The following PIGN variants were observed in gnomAD, a reference collection of about 807,000 sequenced individuals.
PIGN encodes phosphatidylinositol glycan anchor biosynthesis class N.
In PIGN, 117 loss-of-function variants were observed where a neutral mutation model predicts 125.4. The observed-to-expected ratio is 0.93, with a 90% CI of 0.80 to 1.09. PIGN has a LOEUF of 1.09. Ranked by LOEUF, PIGN falls within the 50% of genes least tolerant of loss-of-function variation. PIGN has a pLI of 0.00. For synonymous variants in PIGN, 392 were observed against 377.8 expected (o/e 1.04, Z -0.44); for missense variants, 1,075 against 1,094.9 (o/e 0.98, Z 0.26).
intron 23 of PIGN, among the ~76,000 whole-genome samples, chr18:62,027,113 G>A (rs543056417): frequency 2.3e-4 from 35 of 152,300 alleles, no homozygotes; most frequent in African/African-American, 7.9e-4. Flanking sequence ...AGAGGCAGGA[G>A]AATCACTTGA....
At chr18:62,172,226 CCTAA>C (rs1317645145) in intron 1 of PIGN, among the ~76,000 whole-genome samples, 2 of 152,096 alleles carry the variant, frequency 1.3e-5, no homozygotes, top group Non-Finnish European at 2.9e-5. Flanking sequence ...TCCATTTCAT[CCTAA>C]CTGTCAAATT....
intron 27 of PIGN, among the ~76,000 whole-genome samples, chr18:62,083,263 G>T (rs1281160349): frequency 6.6e-6 from 1 of 151,934 alleles, no homozygotes; most frequent in African/African-American, 2.4e-5. Flanking sequence ...TAACAAATAT[G>T]AAAAAATTTA....
intron 10 of PIGN, among the ~76,000 whole-genome samples, chr18:62,143,787 T>C (rs1240662835): frequency 6.6e-6 from 1 of 152,200 alleles, no homozygotes; most frequent in African/African-American, 2.4e-5. Flanking sequence ...CACCTAAAAC[T>C]GTAGTTGTGA....
intron 30 of PIGN, among the ~76,000 whole-genome samples, chr18:62,059,677 A>C (rs12605762): frequency 0.34 from 52,400 of 152,100 alleles, 10,065 homozygotes; most frequent in East Asian, 0.7. Flanking sequence ...GAACAGGTAG[A>C]GGGTATTTTC....
At chr18:62,116,177 C>A (rs1197296533) in intron 14 of PIGN, among the ~76,000 whole-genome samples, 1 of 152,184 alleles carries the variant, frequency 6.6e-6, no homozygotes, top group Non-Finnish European at 1.5e-5. Flanking sequence ...TCAGATACCA[C>A]ACATTTTGAA....
chr18:62,060,443 C>G (rs1453553751), intron 30 of PIGN, among the ~76,000 whole-genome samples: 5 of 152,176 alleles, frequency 3.3e-5, no homozygotes, highest in Non-Finnish European at 7.3e-5. Context: ...CAGGTCATAC[C>G]TGTTCAATGT....
rs186846363 is a variant in PIGN at position 62,109,806 on chromosome 18, A to G, written c.1574+28T>C. 282 of 1,581,932 alleles carry G rather than the reference A, an allele frequency of 1.8e-4. 1 individual carries two copies. In the African/African-American group the frequency reaches 3.4e-3, roughly 19 times the overall value. ...AGATTTAACTGTCAATGAAGTGAAA[A>G]AACAAGGCAGCAAGATGCATTACTT... On this transcript the variant is annotated intron_variant, in intron 17 of 30. Coordinates refer to ENST00000640252, the MANE Select transcript of PIGN (RefSeq NM_176787.5).
intron 14 of PIGN, among the ~76,000 whole-genome samples, chr18:62,128,649 G>T (rs530917890): frequency 5.7e-5 from 8 of 140,644 alleles, no homozygotes; most frequent in Non-Finnish European, 1.1e-4. Context: ...AGGTTGATAT[G>T]AGGAAAAAAT....
At chr18:62,080,416 GT>G (rs1255457745) in intron 28 of PIGN, among the ~76,000 whole-genome samples, 1 of 152,186 alleles carries the variant, frequency 6.6e-6, no homozygotes, top group Non-Finnish European at 1.5e-5. Context: ...TTGGCAGGTT[GT>G]TTCACACCCC....
At chr18:62,157,846 T>C (rs781317763) in intron 4 of PIGN, 38 bp from the exon 5 acceptor site, 29 of 1,553,162 alleles carry the variant, frequency 1.9e-5, no homozygotes, top group Non-Finnish European at 2.5e-5. Flanking sequence ...ACACAGACTA[T>C]GATTAGATAC....
rs185054286 is a variant in PIGN at position 62,076,988 on chromosome 18, T to C, written c.2577-2167A>G. Among the ~76,000 whole-genome samples, 272 of 152,326 alleles carry C rather than the reference T, an allele frequency of 1.8e-3. 2 individuals are homozygous for C. Among genetic ancestry groups the C allele is most frequent in the African/African-American group, 6.0e-3 (250 of 41,564 alleles). ...CCACTCCATTTTCAGCAGCTCCAAT[T>C]ACTGCAGAGTTCTTTCTTCTGTGAA... On this transcript the variant is annotated intron_variant, in intron 28 of 30. Transcript: ENST00000640252.
chr18:62,085,927 C>A (rs1378571016), intron 25 of PIGN, among the ~76,000 whole-genome samples: 1 of 152,140 alleles, frequency 6.6e-6, no homozygotes, highest in African/African-American at 2.4e-5. Flanking sequence ...ACCATAGACA[C>A]CCACAGAAAT....
rs1189270846 is a variant in PIGN at position 62,106,771 on chromosome 18, C to G, written c.1767+18G>C. ...AAGTAGTTACTAATCTGTCCTATGT[C>G]AAAATGAGTACTCATACCTTTGCTC... is the stretch of plus-strand genomic sequence containing the variant. On this transcript the variant is annotated intron_variant, in intron 19 of 30. Transcript: ENST00000640252. 6.5e-7 allele frequency: 1 copy of G among 1,549,018 alleles called. No homozygotes were observed. The highest frequency in any genetic ancestry group is 2.3e-5 in the East Asian group (1 of 43,742).
At chr18:62,099,157 T>C (rs1270228947) in intron 22 of PIGN, among the ~76,000 whole-genome samples, 3 of 152,046 alleles carry the variant, frequency 2.0e-5, no homozygotes, top group African/African-American at 7.2e-5. Context: ...ATTGTCGAAT[T>C]GGCATATAAA....
At chr18:62,170,286 AT>A (rs2037304534) in intron 1 of PIGN, among the ~76,000 whole-genome samples, 1 of 152,170 alleles carries the variant, frequency 6.6e-6, no homozygotes, top group African/African-American at 2.4e-5. Flanking sequence ...CTCTTCGCAG[AT>A]TTATTTTTGC....
chr18:62,145,873 G>T lies in PIGN; in HGVS notation c.922+36C>A, dbSNP rs1370299228. 14 of 1,002,640 alleles carry T rather than the reference G, an allele frequency of 1.4e-5. No homozygotes were observed. The East Asian group carries it at 3.2e-4, about 23-fold the overall frequency. 62.1% of individuals were successfully genotyped at this position (1,002,640 alleles called of 1,614,324 possible). On this transcript the variant is annotated intron_variant, in intron 10 of 30. Transcript: ENST00000640252. ...TTTAAACTTTGTTCTTATTTTAAGA[G>T]GTTGTATTTATAAACCAGTAAAGAA... is the stretch of plus-strand genomic sequence containing the variant.
At chr18:62,138,789 AATTTTAT>A (rs2036028621) in intron 13 of PIGN, among the ~76,000 whole-genome samples, 187 bp downstream of exon 13, 1 of 151,918 alleles carries the variant, frequency 6.6e-6, no homozygotes, top group South Asian at 2.1e-4. Flanking sequence ...CCTCAAACAC[AATTTTAT>A]GTCCTCAGAC....
intron 30 of PIGN, among the ~76,000 whole-genome samples, chr18:62,049,648 T>C (rs1269668151): frequency 1.7e-3 from 256 of 147,930 alleles, no homozygotes; most frequent in African/African-American, 6.0e-3. Flanking sequence ...ATGTTGTAGG[T>C]TGCCTGTTCA....
intron 21 of PIGN, among the ~76,000 whole-genome samples, chr18:62,101,715 C>A (rs1479152466): frequency 5.3e-5 from 8 of 152,196 alleles, no homozygotes; most frequent in African/African-American, 1.9e-4. Flanking sequence ...GAAATACCAT[C>A]TACTATCCAA....
Sources: gnomAD v4.1 joint callset for allele counts (sites outside exome capture counted in the v4.1 genomes callset) on GRCh38, gnomAD v4.1.1 for gene constraint, MANE v1.5 for transcripts, NCBI Gene and HGNC (gene_info 2026-07-23, HGNC 2026-07-21) for gene names.